Variants in GUCY2F observed in about 807,000 individuals in gnomAD.
The protein encoded by GUCY2F is guanylate cyclase 2F, retinal.
In GUCY2F, 61 loss-of-function variants were observed where a neutral mutation model predicts 73.1. The ratio of observed to expected loss-of-function variants is 0.83; its 90% CI spans 0.68 to 1.03. The LOEUF is 1.03. GUCY2F is among the 50% of genes least tolerant of loss of function. The pLI is 0.00. For missense variants in GUCY2F, 912 were observed against 854.3 expected (o/e 1.07, Z -0.84); for synonymous variants, 331 against 307.8 (o/e 1.08, Z -0.79).
intron 2 of GUCY2F, among the ~76,000 whole-genome samples, chrX:109,472,627 G>T (rs1371552134): frequency 8.9e-6 from 1 of 112,347 alleles, no homozygotes; most frequent in Non-Finnish European, 1.9e-5. Context: ...CGGATGGTGT[G>T]TTGCAGTCTT....
chrX:109,437,682 G>A lies in GUCY2F; in HGVS notation c.1701+3669C>T, dbSNP rs763060745. Among the ~76,000 whole-genome samples the A allele has an allele frequency of 2.7e-5, 3 of 112,867 alleles. No individual in the cohort carries two copies. The East Asian group carries it at 8.4e-4, about 31-fold the overall frequency. ...TGCCAACTGAATCAGAATTGCTGAG[G>A]GTGGGGCCTGGGAGCAGGTATTTCT... On this transcript the variant is annotated intron_variant, in intron 7 of 19. Transcript: ENST00000218006.
intron 8 of GUCY2F, among the ~76,000 whole-genome samples, chrX:109,420,496 C>T (rs1931349911): frequency 9.1e-6 from 1 of 110,067 alleles, no homozygotes; most frequent in Non-Finnish European, 1.9e-5. Flanking sequence ...TTCCTTGAAA[C>T]TAAAAATGTT....
chrX:109,447,303 C>G (rs1200993418), intron 6 of GUCY2F, among the ~76,000 whole-genome samples: 1 of 111,067 alleles, frequency 9.0e-6, no homozygotes, highest in African/African-American at 3.3e-5. Context: ...ATAAATCATG[C>G]TGCTATAAAG....
At chrX:109,472,487 AC>A in intron 2 of GUCY2F, among the ~76,000 whole-genome samples, 1 of 111,981 alleles carries the variant, frequency 8.9e-6, no homozygotes, top group Non-Finnish European at 1.9e-5. Flanking sequence ...CTGAGATCAC[AC>A]AAAAAGTTTG....
At position 109,475,567 on chromosome X, in the gene GUCY2F, T is replaced by C. The variant is rs747295933; in HGVS notation, c.370A>G (p.Ile124Val). 8.3e-6 allele frequency: 10 copies of C among 1,209,572 alleles called. No homozygotes were observed. The South Asian group carries it at 1.8e-4, about 21-fold the overall frequency. Residue 124 changes from isoleucine to valine, a missense_variant, in exon 2 of 20, where the codon ATT (isoleucine) becomes GTT (valine). Ile to Val is a conservative substitution (Grantham distance 29, BLOSUM62 3). Coordinates refer to ENST00000218006, the MANE Select transcript of GUCY2F (RefSeq NM_001522.3). ...CAGTAGCCAGGGTTGGTAGGTCCAATAAATCCTGAGGCCATCTGGTGGTGG... is the reference window on the plus strand; with the variant it reads ...CAGTAGCCAGGGTTGGTAGGTCCAACAAATCCTGAGGCCATCTGGTGGTGG... Reference protein sequence around the residue: ...ISHHQMASGFIGPTNPGYCEA... With the variant: ...ISHHQMASGFVGPTNPGYCEA...
intron 12 of GUCY2F, among the ~76,000 whole-genome samples, chrX:109,393,302 T>C (rs1930618332): frequency 1.1e-5 from 1 of 88,077 alleles, no homozygotes; most frequent in African/African-American, 4.3e-5. Context: ...TCTGGTTCTT[T>C]CAAGCCTGAG....
intron 12 of GUCY2F, among the ~76,000 whole-genome samples, chrX:109,393,357 C>T (rs1032424358): frequency 6.5e-5 from 7 of 107,364 alleles, no homozygotes; most frequent in Admixed American, 3.0e-4. Context: ...GATGCTATCA[C>T]GTGAATAGTA....
chrX:109,471,606 C>A (rs1355759123), intron 2 of GUCY2F, among the ~76,000 whole-genome samples: 4 of 112,459 alleles, frequency 3.6e-5, no homozygotes, highest in East Asian at 2.8e-4. Flanking sequence ...GCAGCCCTGA[C>A]TATAAATTAA....
chrX:109,416,318 A>C (rs1344927745), intron 8 of GUCY2F, among the ~76,000 whole-genome samples: 1 of 111,549 alleles, frequency 9.0e-6, no homozygotes, highest in Non-Finnish European at 1.9e-5. Flanking sequence ...AATATATGCA[A>C]AATGAATATA....
At chrX:109,388,405 G>C in intron 15 of GUCY2F, 84 bp downstream of exon 15, 2 of 756,235 alleles carry the variant, frequency 2.6e-6, no homozygotes, top group Non-Finnish European at 4.0e-6. Context: ...CCAGGAATCA[G>C]GGGAGAGCTA....
chrX:109,481,042 A>AGAAAGAAG (rs1932761210), intron 1 of GUCY2F, among the ~76,000 whole-genome samples: 1 of 40,184 alleles, frequency 2.5e-5, no homozygotes, highest in Non-Finnish European at 4.2e-5. Context: ...AAGGGAGAGA[A>AGAAAGAAG]GAAGGAAGGA....
intron 10 of GUCY2F, among the ~76,000 whole-genome samples, chrX:109,400,302 G>C (rs1930810057): frequency 9.0e-6 from 1 of 110,958 alleles, no homozygotes; most frequent in Non-Finnish European, 1.9e-5. Flanking sequence ...CTAAGGATAG[G>C]CTCCCTGTGC....
intron 16 of GUCY2F, among the ~76,000 whole-genome samples, chrX:109,384,061 T>C (rs1930379864): frequency 8.9e-6 from 1 of 112,534 alleles, no homozygotes; most frequent in Non-Finnish European, 1.9e-5. Flanking sequence ...TGTCAGAAAA[T>C]TTATTCTGAC....
At position 109,404,488 on chromosome X, in the gene GUCY2F, T is replaced by C. The variant is rs757436636; in HGVS notation, c.1969-4A>G. The C allele has an allele frequency of 8.6e-7, 1 of 1,158,318 alleles. No individual in the cohort carries two copies. The highest frequency in any genetic ancestry group is 1.8e-5 in the African/African-American group (1 of 56,456). On this transcript the variant is annotated splice_region_variant and splice_polypyrimidine_tract_variant and intron_variant, in intron 9 of 19. Coordinates refer to ENST00000218006, the MANE Select transcript of GUCY2F (RefSeq NM_001522.3). ...TGTGGTGTAAGTACTTCATGCCCTGTAGATGACACAACAGGATTTATTTAG... is the reference window on the plus strand; with the variant it reads ...TGTGGTGTAAGTACTTCATGCCCTGCAGATGACACAACAGGATTTATTTAG...
intron 8 of GUCY2F, among the ~76,000 whole-genome samples, chrX:109,426,306 T>C (rs193077008): frequency 1.8e-5 from 2 of 112,424 alleles, no homozygotes; most frequent in East Asian, 5.6e-4. Flanking sequence ...AGACCTGATA[T>C]AGTCAAATAT....
At chrX:109,398,825 T>A in intron 10 of GUCY2F, 127 bp from the exon 11 acceptor site, 1 of 552,537 alleles carries the variant, frequency 1.8e-6, no homozygotes, top group Non-Finnish European at 2.8e-6. Flanking sequence ...ACTGCCATGC[T>A]AGTGCCCCCC....
rs778476110 is a variant in GUCY2F at position 109,397,875 on chromosome X, T to C, written c.2275+674A>G. On this transcript the variant is annotated intron_variant, in intron 11 of 19. Transcript: ENST00000218006. ...GTCAAGAATAACACCGAGGTGACAT[T>C]ATGCCCTTCTTAGTGTATCATGTCA... Among the ~76,000 whole-genome samples the C allele has an allele frequency of 6.4e-5, 7 of 110,165 alleles. No homozygotes were observed. The East Asian group carries it at 1.7e-3, about 27-fold the overall frequency.
intron 8 of GUCY2F, among the ~76,000 whole-genome samples, chrX:109,421,030 C>T (rs1569363809): frequency 9.0e-6 from 1 of 110,768 alleles, no homozygotes; most frequent in Non-Finnish European, 1.9e-5. Flanking sequence ...CCAACACCAC[C>T]AATTAATAGA....
chrX:109,468,652 C>T (rs930882408), intron 2 of GUCY2F, among the ~76,000 whole-genome samples: 1 of 111,484 alleles, frequency 9.0e-6, no homozygotes, highest in Non-Finnish European at 1.9e-5. Context: ...TTCAAAGGGT[C>T]CGAATTTTTA....
Sources: allele counts gnomAD v4.1 joint callset (sites outside exome capture counted in the v4.1 genomes callset), GRCh38; gene constraint gnomAD v4.1.1; transcripts MANE v1.5; gene names NCBI Gene and HGNC (gene_info 2026-07-23, HGNC 2026-07-21).